ABL1: variants seen among roughly 807,000 people sequenced by gnomAD.
ABL1 encodes the protein ABL proto-oncogene 1, non-receptor tyrosine kinase.
A neutral mutation model predicts 94.7 loss-of-function variants in ABL1; 11 were observed. The ratio of observed to expected loss-of-function variants is 0.12; its 90% CI spans 0.07 to 0.19. ABL1 has a LOEUF of 0.19. ABL1 is among the 10% of genes least tolerant of loss of function. The probability of loss-of-function intolerance (pLI) is 1.00; values close to 1 mark genes in which losing one functional copy is unlikely to be tolerated. For missense variants in ABL1, 1,082 were observed against 1,489.4 expected (o/e 0.73, Z 4.50); for synonymous variants, 656 against 622.4 (o/e 1.05, Z -0.80).
chr9:130,781,291 CAGT>C, intron 1 of ABL1, among the ~76,000 whole-genome samples: 1 of 152,286 alleles, frequency 6.6e-6, no homozygotes, highest in African/African-American at 2.4e-5. Flanking sequence ...ACAGGATACA[CAGT>C]AGGGTGATTG....
intron 1 of ABL1, among the ~76,000 whole-genome samples, chr9:130,795,741 T>C (rs1370736721): frequency 6.6e-6 from 1 of 152,236 alleles, no homozygotes; most frequent in African/African-American, 2.4e-5. Flanking sequence ...TAAAGTGGGA[T>C]AGACATTTCT....
intron 3 of ABL1, among the ~76,000 whole-genome samples, chr9:130,857,321 C>A (rs1392569314): frequency 6.6e-6 from 1 of 152,184 alleles, no homozygotes; most frequent in East Asian, 1.9e-4. Flanking sequence ...GCTTGTTTCC[C>A]CTTAACCCAC....
intron 1 of ABL1, among the ~76,000 whole-genome samples, chr9:130,743,628 A>G (rs1215380927): frequency 6.6e-6 from 1 of 152,196 alleles, no homozygotes; most frequent in Non-Finnish European, 1.5e-5. Context: ...CTGATCCCAG[A>G]GAGGAGAGAG....
At chr9:130,758,158 T>A (rs1486134091) in intron 1 of ABL1, among the ~76,000 whole-genome samples, 1 of 92,342 alleles carries the variant, frequency 1.1e-5, no homozygotes, top group Non-Finnish European at 3.0e-5. Flanking sequence ...GTGGCTAAGA[T>A]TTTTTTTTTT....
chr9:130,781,395 G>A (rs1407319180), intron 1 of ABL1, among the ~76,000 whole-genome samples: 1 of 152,116 alleles, frequency 6.6e-6, no homozygotes, highest in Non-Finnish European at 1.5e-5. Context: ...CGCACTCTTA[G>A]CTGCTTTTGG....
chr9:130,747,388 C>G (rs1055742795), intron 1 of ABL1, among the ~76,000 whole-genome samples: 9 of 151,048 alleles, frequency 6.0e-5, no homozygotes, highest in African/African-American at 1.2e-4. Flanking sequence ...AAAACCAAAA[C>G]AAAATCAAGT....
In ABL1 at chr9:130,735,961, A is replaced by ATATAT. The variant is rs573602038; in HGVS notation, c.136+21507_136+21508insATATT. On this transcript the variant is annotated intron_variant, in intron 1 of 10. Transcript: ENST00000372348. The stretch of plus-strand genomic sequence containing the variant: ...TATATATATATATATATATATATAT[A>ATATAT]TTTTTTTTTTTTAAGACAGGGTCTG... Among the ~76,000 whole-genome samples, 453 of 94,786 alleles carry ATATAT rather than the reference A, an allele frequency of 4.8e-3. 6 individuals carry two copies. The highest frequency in any genetic ancestry group is 0.017 in the African/African-American group (261 of 15,656). 62.2% of individuals were successfully genotyped at this position (94,786 alleles called of 152,430 possible). A position where few individuals can be genotyped will look rare whatever the true frequency, so the allele number is the denominator to read the frequency against.
chr9:130,714,623 C>T (rs993249845), intron 1 of ABL1: 1 of 881,590 alleles, frequency 1.1e-6, no homozygotes, highest in African/African-American at 1.7e-5. Flanking sequence ...GAAAAAGTTA[C>T]TTCGTGACTT....
chr9:130,807,624 T>G (rs1830143346), intron 1 of ABL1, among the ~76,000 whole-genome samples: 1 of 149,398 alleles, frequency 6.7e-6, no homozygotes, highest in African/African-American at 2.4e-5. Flanking sequence ...TTTAAATAGT[T>G]GTAAAGGATG....
intron 1 of ABL1, among the ~76,000 whole-genome samples, chr9:130,842,885 G>T (rs1196191297): frequency 6.6e-6 from 1 of 152,226 alleles, no homozygotes; most frequent in African/African-American, 2.4e-5. Context: ...GCTCACTGTG[G>T]TGTCTGTTAG....
At chr9:130,719,607 A>G (rs1453872243) in intron 1 of ABL1, among the ~76,000 whole-genome samples, 1 of 152,230 alleles carries the variant, frequency 6.6e-6, no homozygotes, top group Non-Finnish European at 1.5e-5. Flanking sequence ...ATCCCTTTTT[A>G]TGAAAGAATT....
At chr9:130,738,126 TC>T (rs1323546935) in intron 1 of ABL1, among the ~76,000 whole-genome samples, 5 of 152,064 alleles carry the variant, frequency 3.3e-5, no homozygotes, top group Admixed American at 1.3e-4. Flanking sequence ...CACTGCAGTG[TC>T]CTTTCTTGAG....
At chr9:130,810,899 T>C (rs767643921) in intron 1 of ABL1, among the ~76,000 whole-genome samples, 1 of 152,044 alleles carries the variant, frequency 6.6e-6, no homozygotes, top group African/African-American at 2.4e-5. Context: ...CTTAAAACCA[T>C]GGTTTAAAAT....
chr9:130,787,400 CCA>C (rs1164018953), intron 1 of ABL1, among the ~76,000 whole-genome samples: 1 of 152,012 alleles, frequency 6.6e-6, no homozygotes, highest in Non-Finnish European at 1.5e-5. Flanking sequence ...AGAGAATTTC[CCA>C]CGTTTCCCCC....
chr9:130,714,590 T>C, intron 1 of ABL1: 1 of 1,158,692 alleles, frequency 8.6e-7, no homozygotes, highest in South Asian at 1.3e-5. Flanking sequence ...TAGTTATCTC[T>C]TAGTGGAACT....
chr9:130,847,631 A>T (rs1775545375), intron 1 of ABL1, among the ~76,000 whole-genome samples: 1 of 152,166 alleles, frequency 6.6e-6, no homozygotes, highest in African/African-American at 2.4e-5. Context: ...TTGGTGTTGG[A>T]CTGTGGCTAC....
At chr9:130,820,668 C>T (rs1259530758) in intron 1 of ABL1, among the ~76,000 whole-genome samples, 2 of 152,188 alleles carry the variant, frequency 1.3e-5, no homozygotes, top group Admixed American at 6.5e-5. Flanking sequence ...ACCAACAACA[C>T]GTACAGCACA....
intron 1 of ABL1, among the ~76,000 whole-genome samples, chr9:130,802,188 G>A (rs112270643): frequency 6.6e-6 from 1 of 150,804 alleles, no homozygotes; most frequent in Non-Finnish European, 1.5e-5. Context: ...GGCCTCCTGG[G>A]TTTAAGCCAT....
chr9:130,734,534 T>C (rs2132700603), intron 1 of ABL1, among the ~76,000 whole-genome samples: 1 of 149,638 alleles, frequency 6.7e-6, no homozygotes. Flanking sequence ...TTTTTTTTTT[T>C]TTTTTGAGAC....
Sources: gnomAD v4.1 joint callset for allele counts (sites outside exome capture counted in the v4.1 genomes callset) on GRCh38, gnomAD v4.1.1 for gene constraint, MANE v1.5 for transcripts, NCBI Gene and HGNC (gene_info 2026-07-23, HGNC 2026-07-21) for gene names.